Variants in NRXN3 observed in about 807,000 individuals in gnomAD.
NRXN3 encodes neurexin III.
Under a neutral mutation model 137.6 loss-of-function variants are expected in NRXN3, and 32 were observed. The ratio of observed to expected loss-of-function variants is 0.23; its 90% CI spans 0.18 to 0.31. The LOEUF (loss-of-function observed/expected upper bound fraction) is 0.31, where lower values mean the gene tolerates loss of function less well. Ranked by LOEUF, NRXN3 falls within the 10% of genes least tolerant of loss-of-function variation. The pLI is 1.00. For missense variants in NRXN3, 1,574 were observed against 2,062.5 expected, an observed-to-expected ratio of 0.76 and a Z score of 4.59; for synonymous variants, 798 against 784.5, an observed-to-expected ratio of 1.02 and a Z score of -0.29.
chr14:78,342,467 A>G (rs1441687450), intron 4 of NRXN3, among the ~76,000 whole-genome samples: 1 of 152,206 alleles, frequency 6.6e-6, no homozygotes, highest in African/African-American at 2.4e-5. Flanking sequence ...TAGTTATTAT[A>G]AATAACCACT....
chr14:78,714,212 T>C (rs2098421609), intron 7 of NRXN3, among the ~76,000 whole-genome samples: 1 of 152,158 alleles, frequency 6.6e-6, no homozygotes, highest in Non-Finnish European at 1.5e-5. Flanking sequence ...GGAAGTTCCA[T>C]CTTTTGGGGG....
intron 15 of NRXN3, among the ~76,000 whole-genome samples, chr14:79,372,637 T>C (rs543181589): frequency 6.6e-6 from 1 of 152,244 alleles, no homozygotes; most frequent in South Asian, 2.1e-4. Flanking sequence ...CAATGTGGTA[T>C]TTTAAGTTCT....
chr14:78,734,209 AC>A (rs2098530595), intron 8 of NRXN3, among the ~76,000 whole-genome samples: 1 of 4,680 alleles, frequency 2.1e-4, no homozygotes, highest in Non-Finnish European at 7.7e-4. Context: ...CATCTGAAAC[AC>A]ACACACACAC....
intron 15 of NRXN3, among the ~76,000 whole-genome samples, chr14:79,407,955 T>C (rs1284999820): frequency 6.6e-6 from 1 of 152,186 alleles, no homozygotes; most frequent in Non-Finnish European, 1.5e-5. Flanking sequence ...AAGTTGAATA[T>C]TGGTTCATAT....
chr14:79,097,549 C>A (rs1339362273), intron 15 of NRXN3, among the ~76,000 whole-genome samples: 3 of 152,100 alleles, frequency 2.0e-5, no homozygotes, highest in African/African-American at 7.2e-5. Context: ...AGGAAGAGGC[C>A]AAACCATTAC....
intron 4 of NRXN3, among the ~76,000 whole-genome samples, chr14:78,626,043 C>T (rs1425771106): frequency 6.6e-6 from 1 of 152,166 alleles, no homozygotes; most frequent in Non-Finnish European, 1.5e-5. Flanking sequence ...ATTGACCAGC[C>T]ATCTAGAATT....
chr14:79,389,924 AT>A (rs1466095913), intron 15 of NRXN3, among the ~76,000 whole-genome samples: 1 of 152,170 alleles, frequency 6.6e-6, no homozygotes, highest in Non-Finnish European at 1.5e-5. Flanking sequence ...GTTGAATTTG[AT>A]TTACATTTGC....
At chr14:79,205,043 T>C (rs921065784) in intron 15 of NRXN3, among the ~76,000 whole-genome samples, 1 of 152,206 alleles carries the variant, frequency 6.6e-6, no homozygotes, top group African/African-American at 2.4e-5. Context: ...GTGTCAGCAA[T>C]GATTCCTTTT....
chr14:79,835,553 T>A (rs938240551), intron 20 of NRXN3, among the ~76,000 whole-genome samples: 4 of 152,204 alleles, frequency 2.6e-5, no homozygotes, highest in African/African-American at 9.6e-5. Context: ...TGGGGCTCTG[T>A]TCTGGGATTT....
At chr14:78,709,120 C>T in intron 6 of NRXN3, 97 bp from the exon 7 acceptor site, 1 of 1,124,978 alleles carries the variant, frequency 8.9e-7, no homozygotes, top group Non-Finnish European at 1.3e-6. Context: ...TGTCCTGAAG[C>T]CTCTTTTTGG....
intron 4 of NRXN3, among the ~76,000 whole-genome samples, chr14:78,424,821 A>G (rs868673018): frequency 1.5e-4 from 23 of 152,358 alleles, no homozygotes; most frequent in Non-Finnish European, 2.4e-4. Context: ...ATCATTATAC[A>G]TGGAGAAACT....
intron 16 of NRXN3, among the ~76,000 whole-genome samples, chr14:79,589,522 C>G (rs1602540606): frequency 1.4e-5 from 1 of 72,466 alleles, no homozygotes; most frequent in African/African-American, 6.8e-5. Flanking sequence ...ATAATGAACA[C>G]TTAAGAGAGA....
At chr14:78,617,366 G>A (rs914866268) in intron 4 of NRXN3, among the ~76,000 whole-genome samples, 1 of 152,132 alleles carries the variant, frequency 6.6e-6, no homozygotes, top group Non-Finnish European at 1.5e-5. Flanking sequence ...TCTTACATGT[G>A]AGCTTTGCCA....
chr14:78,622,322 G>A (rs2152503732), intron 4 of NRXN3, among the ~76,000 whole-genome samples: 1 of 152,316 alleles, frequency 6.6e-6, no homozygotes, highest in Admixed American at 6.5e-5. Flanking sequence ...AGGTACTTTG[G>A]TATATCTCAT....
At chr14:78,879,010 C>G (rs1162887530) in intron 10 of NRXN3, among the ~76,000 whole-genome samples, 2 of 152,056 alleles carry the variant, frequency 1.3e-5, no homozygotes, top group East Asian at 3.9e-4. Context: ...AAGATTTGTC[C>G]ATGTTGTTAC....
chr14:79,419,761 G>A (rs1600030557), intron 15 of NRXN3, among the ~76,000 whole-genome samples: 1 of 152,296 alleles, frequency 6.6e-6, no homozygotes, highest in South Asian at 2.1e-4. Context: ...AAATGAGGAT[G>A]GAAGCTCCCT....
intron 16 of NRXN3, among the ~76,000 whole-genome samples, chr14:79,626,521 A>G (rs376471427): frequency 2.0e-5 from 3 of 152,268 alleles, no homozygotes; most frequent in African/African-American, 7.2e-5. Flanking sequence ...AAATATGGCA[A>G]ACATCTCCAT....
Position 79,861,774 on chromosome 14 carries a change from G to C in NRXN3, c.4526G>C (p.Cys1509Ser). The part of the protein sequence containing the change: ...VVGIVAAAAL[C>S]ILILLYAMYK... ...GGCATTGTGGCTGCTGCCGCCCTCTGCATCTTGATCCTCCTGTACGCCATG... is the reference window on the plus strand; with the variant it reads ...GGCATTGTGGCTGCTGCCGCCCTCTCCATCTTGATCCTCCTGTACGCCATG... Residue 1509 changes from cysteine to serine, a missense_variant, in exon 21 of 21, where the codon TGC becomes TCC. Physicochemically the swap from Cys to Ser is moderately radical, Grantham distance 112. Coordinates refer to ENST00000335750, the MANE Select transcript of NRXN3 (RefSeq NM_001330195.2). This position sits in a 1 kb window ranked among gnomAD's most constrained non-coding sequence, Gnocchi z 5.4. The C allele has an allele frequency of 6.2e-7, 1 of 1,614,074 alleles. No individual in the cohort carries two copies. Among genetic ancestry groups the C allele is most frequent in the Non-Finnish European group, 8.5e-7 (1 of 1,180,034 alleles).
At chr14:79,263,087 G>A (rs2077885872) in intron 15 of NRXN3, among the ~76,000 whole-genome samples, 1 of 152,066 alleles carries the variant, frequency 6.6e-6, no homozygotes, top group Non-Finnish European at 1.5e-5. Flanking sequence ...CTACCTCTTG[G>A]CCATTCCTCA....
Sources: allele counts gnomAD v4.1 joint callset (sites outside exome capture counted in the v4.1 genomes callset), GRCh38; gene constraint gnomAD v4.1.1; non-coding constraint Gnocchi (gnomAD v3.1); transcripts MANE v1.5; gene names NCBI Gene and HGNC (gene_info 2026-07-23, HGNC 2026-07-21).